The following HSPA8 variants were observed in gnomAD, a reference collection of about 807,000 sequenced individuals.
The protein encoded by HSPA8 is heat shock cognate 71 kDa protein.
Under a neutral mutation model 52.8 loss-of-function variants are expected in HSPA8, and 2 were observed. The observed-to-expected ratio is 0.04, with a 90% CI of 0.02 to 0.12. HSPA8 has a LOEUF of 0.12. HSPA8 is among the 10% of genes least tolerant of loss of function. The probability of loss-of-function intolerance (pLI) is 1.00; values close to 1 mark genes in which losing one functional copy is unlikely to be tolerated. For missense variants in HSPA8, 349 were observed against 800.5 expected (o/e 0.44, Z 6.81); for synonymous variants, 436 against 274.0 (o/e 1.59, Z -5.84).
rs376289562 is a variant in HSPA8 at position 123,060,273 on chromosome 11, G to C, written c.412-5C>G. The C allele has an allele frequency of 1.2e-6, 2 of 1,612,476 alleles. No individual in the cohort carries two copies. The highest frequency in any genetic ancestry group is 1.1e-5 in the South Asian group (1 of 91,046). On this transcript the variant is annotated splice_polypyrimidine_tract_variant and splice_region_variant and intron_variant, in intron 3 of 8. Coordinates refer to ENST00000534624, the MANE Select transcript of HSPA8 (RefSeq NM_006597.6). Reference sequence around the variant, plus strand: ...GACCACAGCATTGGTAACAGTCTAGGAATAAGGAAAAGACCACAGATTGGT... The same window carrying C: ...GACCACAGCATTGGTAACAGTCTAGCAATAAGGAAAAGACCACAGATTGGT...
rs1370125866 is a variant in HSPA8, at chr11:123,060,152, T to A, written c.528A>T (p.Pro176=). Residue 176 remains proline (P), a synonymous_variant, in exon 4 of 9, where the codon CCA becomes CCT. Coordinates refer to ENST00000534624, the MANE Select transcript of HSPA8 (RefSeq NM_006597.6). ...AGCCGTAAGCAATAGCAGCAGCAGTTGGCTCATTAATAATTCTAAGTACAT... is the reference window on the plus strand; with the variant it reads ...AGCCGTAAGCAATAGCAGCAGCAGTAGGCTCATTAATAATTCTAAGTACAT... ...GLNVLRIINE[P]TAAAIAYGLD... 6.2e-7 allele frequency: 1 copy of A among 1,614,134 alleles called. No homozygotes were observed. The highest frequency in any genetic ancestry group is 8.5e-7 in the Non-Finnish European group (1 of 1,180,040).
chr11:123,060,298 T>C, intron 3 of HSPA8, 30 bp from the exon 4 acceptor site: 2 of 1,604,720 alleles, frequency 1.2e-6, no homozygotes, highest in Non-Finnish European at 1.7e-6. Context: ...CACAGATTGG[T>C]AACTATTATA....
At chr11:123,057,962 T>C in intron 8 of HSPA8, 43 bp from the exon 9 acceptor site, 5 of 1,453,458 alleles carry the variant, frequency 3.4e-6, no homozygotes, top group Non-Finnish European at 4.7e-6. Flanking sequence ...CTTTTAATGT[T>C]AATAACCCTT....
intron 8 of HSPA8, 37 bp from the exon 9 acceptor site, chr11:123,057,956 T>G (rs1865356461): frequency 6.7e-7 from 1 of 1,486,538 alleles, no homozygotes; most frequent in South Asian, 1.2e-5. Context: ...CAAGTTCTTT[T>G]AATGTTAATA....
intron 8 of HSPA8, 40 bp from the exon 9 acceptor site, chr11:123,057,959 T>C (rs374938669): frequency 6.8e-6 from 10 of 1,478,866 alleles, no homozygotes; most frequent in East Asian, 4.6e-5. Context: ...GTTCTTTTAA[T>C]GTTAATAACC....
rs41302369 is a variant in HSPA8, at chr11:123,061,577, C to A, written c.-5-248G>T. The A allele has an allele frequency of 8.9e-3, 4,811 of 541,078 alleles. 29 individuals carry two copies. The highest frequency in any genetic ancestry group is 0.011 in the Non-Finnish European group (3,445 of 301,200). The allele number at this position is 541,078 out of a possible 1,614,324, so 33.5% of individuals were successfully genotyped here. On this transcript the variant is annotated intron_variant, in intron 1 of 8. Coordinates refer to ENST00000534624, the MANE Select transcript of HSPA8 (RefSeq NM_006597.6). ...AGACGGCGTGGGGCGTTGCTCAACA[C>A]GTGGTCTTACCCCGAACTGAGCACT...
At chr11:123,059,034 AAAC>A in intron 6 of HSPA8, 22 bp downstream of exon 6, 1 of 1,596,444 alleles carries the variant, frequency 6.3e-7, no homozygotes, top group Non-Finnish European at 8.6e-7. Flanking sequence ...TCAGTAAGCC[AAAC>A]AAGAGAAGTA....
chr11:123,057,637 G>T lies in HSPA8; in HGVS notation c.*97C>A. On this transcript the variant is annotated 3_prime_UTR_variant, in exon 9 of 9. Coordinates refer to ENST00000534624, the MANE Select transcript of HSPA8 (RefSeq NM_006597.6). ...GAATGCCCAGTAACTTACTATAGCAGCTTAACTTTTTAAAACTGCCACAGA... is the reference window on the plus strand; with the variant it reads ...GAATGCCCAGTAACTTACTATAGCATCTTAACTTTTTAAAACTGCCACAGA... The T allele has an allele frequency of 1.1e-6, 1 of 927,290 alleles. No individual in the cohort carries two copies. The highest frequency in any genetic ancestry group is 1.6e-6 in the Non-Finnish European group (1 of 610,678). The allele number at this position is 927,290 out of a possible 1,614,324, so 57.4% of individuals were successfully genotyped here.
At position 123,059,692 on chromosome 11, in the gene HSPA8, G is replaced by A; in HGVS notation, c.901C>T (p.Arg301Ter). 6.2e-7 allele frequency: 1 copy of A among 1,613,882 alleles called. No individual in the cohort carries two copies. The highest frequency in any genetic ancestry group is 8.5e-7 in the Non-Finnish European group (1 of 1,179,900). The change falls in exon 5 of 9, where the codon CGA (arginine) becomes TGA (stop). Residue 301 changes from arginine (R) to a stop codon, truncating the protein, a stop_gained. Transcript: ENST00000534624. LOFTEE classifies it high-confidence loss of function. ...AGGTCAGCATTCAGTTCTTCAAATC[G>A]GGCACGGGTAATGGAGGTATAGAAG... ...IDFYTSITRA[R>*]FEELNADLFR...
rs772769841 is a variant in HSPA8 at position 123,060,620 on chromosome 11, C to T, written c.384G>A (p.Lys128=). 6.2e-7 allele frequency: 1 copy of T among 1,613,774 alleles called. No homozygotes were observed. The highest frequency in any genetic ancestry group is 2.2e-5 in the East Asian group (1 of 44,866). ...EVSSMVLTKM[K]EIAEAYLGKT... is the part of the protein sequence containing the mutation. ...TCCCAAGGTAGGCTTCTGCAATTTC[C>T]TTCATCTTTGTCAGAACCATAGAAG... is the stretch of plus-strand genomic sequence containing the variant. The change falls in exon 3 of 9, where the codon AAG becomes AAA. Residue 128 remains lysine (K), a synonymous_variant. Transcript: ENST00000534624.
Position 123,061,495 on chromosome 11 carries a change from C to G in HSPA8, c.-5-166G>C, listed in dbSNP as rs904183211. The stretch of plus-strand genomic sequence containing the variant: ...CGAGGTCCAGAACTAGTGCTGCAGT[C>G]CAGGTTGCCGTGCCAACCGCAGCAG... On this transcript the variant is annotated intron_variant, in intron 1 of 8. Transcript: ENST00000534624. The G allele has an allele frequency of 4.8e-6, 3 of 625,454 alleles. No individual in the cohort carries two copies. In the African/African-American group the frequency reaches 5.5e-5, roughly 11 times the overall value. The allele number at this position is 625,454 out of a possible 1,614,324, so 38.7% of individuals were successfully genotyped here.
At chr11:123,060,854 T>A in intron 2 of HSPA8, 56 bp from the exon 3 acceptor site, 4 of 1,488,900 alleles carry the variant, frequency 2.7e-6, no homozygotes, top group Non-Finnish European at 3.7e-6. Flanking sequence ...CTGATAAAAC[T>A]CAAGTCCATG....
intron 8 of HSPA8, 152 bp from the exon 9 acceptor site, chr11:123,058,071 CT>C (rs1865363253): frequency 1.4e-6 from 1 of 728,966 alleles, no homozygotes; most frequent in African/African-American, 1.8e-5. Context: ...TCCTTAACAT[CT>C]TGGGTCACTC....
chr11:123,058,262 T>C lies in HSPA8; in HGVS notation c.1745A>G (p.Asp582Gly). The C allele has an allele frequency of 6.8e-7, 1 of 1,473,962 alleles. No homozygotes were observed. Among genetic ancestry groups the C allele is most frequent in the Non-Finnish European group, 9.5e-7 (1 of 1,053,028 alleles). 91.3% of individuals were successfully genotyped at this position (1,473,962 alleles called of 1,614,324 possible). Residue 582 changes from aspartate (D) to glycine (G), a missense_variant, in exon 8 of 9, where the codon GAT becomes GGT. Coordinates refer to ENST00000534624, the MANE Select transcript of HSPA8 (RefSeq NM_006597.6). ...AAAAAAAACACAAACCTGATTCTTA[T>C]CAAGCCAGTTGATAATTTCATTACA... ...DKCNEIINWL[D>G]KNQTAEKEEF...
At chr11:123,061,532 G>C (rs1565369945) in intron 1 of HSPA8, 1 of 595,838 alleles carries the variant, frequency 1.7e-6, no homozygotes. Flanking sequence ...GCACGCCCTA[G>C]ATGAAGGACC....
At chr11:123,058,126 G>A in intron 8 of HSPA8, 126 bp downstream of exon 8, 1 of 750,318 alleles carries the variant, frequency 1.3e-6, no homozygotes, top group Non-Finnish European at 2.2e-6. Flanking sequence ...AATTCTGGTG[G>A]AAACCGCGAA....
chr11:123,060,373 C>CG (rs1183099945), intron 3 of HSPA8, 105 bp from the exon 4 acceptor site: 4 of 1,145,602 alleles, frequency 3.5e-6, no homozygotes, highest in Non-Finnish European at 5.1e-6. Flanking sequence ...GAGCACCCCC[C>CG]CCACCAAAAT....
intron 2 of HSPA8, 98 bp from the exon 3 acceptor site, chr11:123,060,896 G>T: frequency 8.1e-6 from 9 of 1,116,014 alleles, no homozygotes; most frequent in African/African-American, 1.5e-5. Context: ...TCATAGGTAG[G>T]TGAATTCAAC....
chr11:123,060,841 C>G (rs373684804), intron 2 of HSPA8, 43 bp from the exon 3 acceptor site: 2 of 1,551,100 alleles, frequency 1.3e-6, no homozygotes, highest in African/African-American at 2.7e-5. Flanking sequence ...TTTCATAGCT[C>G]TTCTGATAAA....
Sources: gnomAD v4.1 joint callset for allele counts on GRCh38, gnomAD v4.1.1 for gene constraint, MANE v1.5 for transcripts, NCBI Gene and HGNC (gene_info 2026-07-23, HGNC 2026-07-21) for gene names.